PTPRT: variants seen among roughly 807,000 people sequenced by gnomAD.
The protein encoded by PTPRT is protein tyrosine phosphatase receptor type T.
In PTPRT, 56 loss-of-function variants were observed where a neutral mutation model predicts 176.8. The observed-to-expected ratio is 0.32, with a 90% CI of 0.26 to 0.40. The LOEUF (loss-of-function observed/expected upper bound fraction) is 0.40, where lower values mean the gene tolerates loss of function less well. PTPRT is among the 10% of genes least tolerant of loss of function. The pLI is 1.00. For missense variants in PTPRT, 1,540 were observed against 1,908.2 expected (o/e 0.81, Z 3.60); for synonymous variants, 783 against 739.0 (o/e 1.06, Z -0.96).
chr20:43,132,000 T>C (rs2013659749), intron 1 of PTPRT, among the ~76,000 whole-genome samples: 1 of 151,720 alleles, frequency 6.6e-6, no homozygotes. Context: ...CTTAACTCAA[T>C]GAAAAATTTA....
chr20:42,883,934 G>GCA (rs1250441197), intron 2 of PTPRT, among the ~76,000 whole-genome samples: 2 of 121,660 alleles, frequency 1.6e-5, no homozygotes, highest in Non-Finnish European at 3.4e-5. Context: ...ACACAGGCAT[G>GCA]CACACACACC....
intron 1 of PTPRT, among the ~76,000 whole-genome samples, chr20:43,114,661 G>A (rs557390564): frequency 1.3e-5 from 2 of 152,246 alleles, no homozygotes; most frequent in Non-Finnish European, 2.9e-5. Flanking sequence ...TTTGGCCACT[G>A]TAGCATTTCT....
intron 7 of PTPRT, among the ~76,000 whole-genome samples, chr20:42,489,467 G>A (rs891590761): frequency 1.3e-5 from 2 of 151,418 alleles, no homozygotes; most frequent in Non-Finnish European, 2.9e-5. Context: ...ATCAGATTTT[G>A]GGGTCATTTG....
rs1217462488 is a variant in PTPRT, at chr20:42,989,274, C to T, written c.89-103342G>A. ...TAAATATTTTGCACATGGGTGCAAG[C>T]ACAATTAGTAAAATTCTACCAATTT... On this transcript the variant is annotated intron_variant, in intron 1 of 30. Transcript: ENST00000373187. Among the ~76,000 whole-genome samples the T allele has an allele frequency of 2.0e-5, 3 of 152,248 alleles. No individual in the cohort carries two copies. The East Asian group carries it at 5.8e-4, about 29-fold the overall frequency.
intron 2 of PTPRT, among the ~76,000 whole-genome samples, chr20:42,833,718 T>C (rs763615552): frequency 5.3e-5 from 8 of 152,152 alleles, no homozygotes; most frequent in Non-Finnish European, 2.9e-5. Flanking sequence ...CCAACATCTG[T>C]GAAATTCTGA....
At chr20:42,574,202 A>G (rs2145699346) in intron 7 of PTPRT, among the ~76,000 whole-genome samples, 1 of 152,248 alleles carries the variant, frequency 6.6e-6, no homozygotes, top group South Asian at 2.1e-4. Context: ...AAACACTCAG[A>G]GTTTACAGTC....
chr20:42,982,649 A>G (rs1467641640), intron 1 of PTPRT, among the ~76,000 whole-genome samples: 1 of 152,174 alleles, frequency 6.6e-6, no homozygotes, highest in East Asian at 1.9e-4. Context: ...GCGATGGGAG[A>G]TGAGGCCATG....
At chr20:42,256,324 G>C (rs1413563440) in intron 13 of PTPRT, among the ~76,000 whole-genome samples, 1 of 152,094 alleles carries the variant, frequency 6.6e-6, no homozygotes. Flanking sequence ...AGAGCATCTG[G>C]ATACTTCATT....
At chr20:42,380,378 ACTGTCCTGCCTCAGATGTGGAACAAC>A (rs1185505807) in intron 9 of PTPRT, among the ~76,000 whole-genome samples, 1 of 151,852 alleles carries the variant, frequency 6.6e-6, no homozygotes, top group Non-Finnish European at 1.5e-5. Flanking sequence ...GCCCACACTC[ACTGTCCTGCCTCAGATGTGGAACAAC>A]CTGGGCCTTC....
chr20:42,648,088 C>T (rs1177282904), intron 7 of PTPRT, among the ~76,000 whole-genome samples: 1 of 146,562 alleles, frequency 6.8e-6, no homozygotes, highest in Non-Finnish European at 1.5e-5. Flanking sequence ...GGAAACGGCT[C>T]CCCTGAGGTT....
intron 1 of PTPRT, among the ~76,000 whole-genome samples, chr20:42,912,870 G>C (rs1466015018): frequency 6.6e-6 from 1 of 152,096 alleles, no homozygotes; most frequent in African/African-American, 2.4e-5. Flanking sequence ...ACTGATCTAT[G>C]TGCCTAAATA....
chr20:42,215,333 G>T (rs907103582), intron 15 of PTPRT, among the ~76,000 whole-genome samples: 3 of 152,094 alleles, frequency 2.0e-5, no homozygotes, highest in Non-Finnish European at 4.4e-5. Context: ...CAATTTCCTC[G>T]TCTATAGAAT....
chr20:42,357,040 G>A (rs747062381), intron 9 of PTPRT, among the ~76,000 whole-genome samples: 19 of 152,086 alleles, frequency 1.2e-4, no homozygotes, highest in African/African-American at 3.4e-4. Context: ...CTTATTTTAC[G>A]TTTCCAGAGT....
chr20:43,028,193 C>T (rs1985992398), intron 1 of PTPRT, among the ~76,000 whole-genome samples: 1 of 152,130 alleles, frequency 6.6e-6, no homozygotes, highest in Admixed American at 6.5e-5. Context: ...TTGTCTCCTG[C>T]ATGGACTCAG....
At chr20:43,114,682 T>C (rs1199370982) in intron 1 of PTPRT, among the ~76,000 whole-genome samples, 4 of 152,314 alleles carry the variant, frequency 2.6e-5, no homozygotes, top group Admixed American at 2.0e-4. Flanking sequence ...TATAGGCATT[T>C]TTTTCTGTTG....
At chr20:43,169,053 A>G (rs1265970806) in intron 1 of PTPRT, among the ~76,000 whole-genome samples, 2 of 152,168 alleles carry the variant, frequency 1.3e-5, no homozygotes, top group African/African-American at 2.4e-5. Flanking sequence ...CCCCAGGTTC[A>G]AAACCTAAAA....
intron 9 of PTPRT, among the ~76,000 whole-genome samples, chr20:42,368,743 G>A (rs1165617375): frequency 6.6e-6 from 1 of 152,170 alleles, no homozygotes; most frequent in African/African-American, 2.4e-5. Context: ...ATCAAAATTT[G>A]CATGAAAGAC....
At chr20:42,600,121 T>G (rs921154633) in intron 7 of PTPRT, among the ~76,000 whole-genome samples, 2 of 151,664 alleles carry the variant, frequency 1.3e-5, no homozygotes, top group African/African-American at 4.9e-5. Context: ...ATTTTGGTTT[T>G]TGTTGTTGTT....
At chr20:42,230,871 C>T (rs904408549) in intron 15 of PTPRT, among the ~76,000 whole-genome samples, 16 of 152,188 alleles carry the variant, frequency 1.1e-4, no homozygotes, top group Non-Finnish European at 1.5e-5. Context: ...ATCCTGTGTC[C>T]CTGGGTCCCC....
Sources: allele counts gnomAD v4.1 joint callset (sites outside exome capture counted in the v4.1 genomes callset), GRCh38; gene constraint gnomAD v4.1.1; transcripts MANE v1.5; gene names NCBI Gene and HGNC (gene_info 2026-07-23, HGNC 2026-07-21).